Variants in WDR70 observed in about 807,000 individuals in gnomAD.
The protein encoded by WDR70 is WD repeat domain 70.
A neutral mutation model predicts 88.6 loss-of-function variants in WDR70; 53 were observed. That is an observed-to-expected ratio of 0.60 (90% CI 0.48 to 0.75). WDR70 has a LOEUF of 0.75. Ranked by LOEUF, WDR70 falls within the 30% of genes least tolerant of loss-of-function variation. The pLI, the probability that WDR70 is intolerant of heterozygous loss-of-function variation, is 0.00. For missense variants in WDR70, 610 were observed against 823.2 expected (o/e 0.74, Z 3.17); for synonymous variants, 280 against 270.0 (o/e 1.04, Z -0.36).
intron 7 of WDR70, among the ~76,000 whole-genome samples, chr5:37,474,987 C>G (rs1739434721): frequency 2.0e-5 from 3 of 148,806 alleles, no homozygotes; most frequent in Non-Finnish European, 4.5e-5. Flanking sequence ...GGCATGATCT[C>G]AGCTCACCGC....
intron 10 of WDR70, among the ~76,000 whole-genome samples, chr5:37,653,262 A>G (rs1745457869): frequency 6.6e-6 from 1 of 152,172 alleles, no homozygotes; most frequent in Admixed American, 6.5e-5. Flanking sequence ...ACATATGTTG[A>G]ACCAGCCTTG....
At chr5:37,498,396 T>G (rs546921324) in intron 8 of WDR70, among the ~76,000 whole-genome samples, 67 of 152,328 alleles carry the variant, frequency 4.4e-4, no homozygotes, top group Middle Eastern at 3.4e-3. Flanking sequence ...ATTCAACTTC[T>G]AAATATTGGA....
chr5:37,489,635 T>TA (rs1490963883), intron 8 of WDR70, among the ~76,000 whole-genome samples: 1 of 152,060 alleles, frequency 6.6e-6, no homozygotes, highest in African/African-American at 2.4e-5. Flanking sequence ...GGCCTGTTAT[T>TA]ATGCCATCTG....
chr5:37,523,215 T>A (rs1741150548), intron 9 of WDR70, among the ~76,000 whole-genome samples: 1 of 152,200 alleles, frequency 6.6e-6, no homozygotes, highest in Non-Finnish European at 1.5e-5. Flanking sequence ...GTAGCCTAAC[T>A]GGGATGCATC....
At chr5:37,380,732 C>T (rs1011537984) in intron 2 of WDR70, among the ~76,000 whole-genome samples, 9 of 152,118 alleles carry the variant, frequency 5.9e-5, no homozygotes, top group African/African-American at 1.9e-4. Flanking sequence ...ATTGCAGCCT[C>T]CTCCTCCCAG....
In WDR70 at chr5:37,711,987, C is replaced by CTT. The variant is rs70978842; in HGVS notation, c.1416+8919_1416+8920dup. On this transcript the variant is annotated intron_variant, in intron 13 of 17. Transcript: ENST00000265107. ...TGGAATTTCAGTGCATATATTTTTTCTTTTTTTTTTTTTTTTTTTTCTTGA... is the reference window on the plus strand; with the variant it reads ...TGGAATTTCAGTGCATATATTTTTTCTTTTTTTTTTTTTTTTTTTTTTCTTGA... Among the ~76,000 whole-genome samples, 160 of 103,998 alleles carry CTT rather than the reference C, an allele frequency of 1.5e-3. 2 individuals are homozygous for CTT. The Middle Eastern group carries it at 0.024, about 16-fold the overall frequency. 68.2% of individuals were successfully genotyped at this position (103,998 alleles called of 152,430 possible). A position where few individuals can be genotyped will look rare whatever the true frequency, so the allele number is the denominator to read the frequency against.
At chr5:37,509,984 T>C (rs1476182303) in intron 8 of WDR70, among the ~76,000 whole-genome samples, 1 of 151,844 alleles carries the variant, frequency 6.6e-6, no homozygotes, top group Non-Finnish European at 1.5e-5. Context: ...ATCTCTTGAA[T>C]TCAGGAGGTT....
At chr5:37,678,185 A>G (rs1311062215) in intron 10 of WDR70, among the ~76,000 whole-genome samples, 1 of 152,190 alleles carries the variant, frequency 6.6e-6, no homozygotes, top group Admixed American at 6.5e-5. Flanking sequence ...CTCTTTATCC[A>G]ATTTGCCAGT....
At chr5:37,478,631 G>C (rs1192763741) in intron 7 of WDR70, among the ~76,000 whole-genome samples, 2 of 152,218 alleles carry the variant, frequency 1.3e-5, no homozygotes, top group African/African-American at 4.8e-5. Context: ...AGCAACAACT[G>C]TTCCACAGGG....
At chr5:37,630,513 A>G (rs1163079905) in intron 10 of WDR70, among the ~76,000 whole-genome samples, 1 of 152,102 alleles carries the variant, frequency 6.6e-6, no homozygotes, top group African/African-American at 2.4e-5. Flanking sequence ...AGCTGCTTGC[A>G]GACTTGTAGG....
chr5:37,395,341 ATTG>A (rs1371792072), intron 4 of WDR70, among the ~76,000 whole-genome samples: 4 of 151,988 alleles, frequency 2.6e-5, no homozygotes, highest in Admixed American at 6.6e-5. Flanking sequence ...CCTGCGTTAT[ATTG>A]TTGTTGTTTT....
chr5:37,428,827 G>GT (rs1024203749), intron 5 of WDR70, among the ~76,000 whole-genome samples: 75 of 151,592 alleles, frequency 4.9e-4, no homozygotes, highest in African/African-American at 1.8e-3. Context: ...CTAGCAAACT[G>GT]TTTTTTAGAG....
intron 9 of WDR70, among the ~76,000 whole-genome samples, chr5:37,549,190 G>A (rs1297724853): frequency 2.0e-5 from 3 of 152,174 alleles, no homozygotes; most frequent in Non-Finnish European, 4.4e-5. Context: ...TTGGTATTTC[G>A]ATAGGGATTG....
intron 4 of WDR70, among the ~76,000 whole-genome samples, chr5:37,393,284 C>T (rs1748902563): frequency 6.6e-6 from 1 of 152,140 alleles, no homozygotes; most frequent in Non-Finnish European, 1.5e-5. Context: ...TTGTGATCCA[C>T]CCGCCTTGGC....
intron 5 of WDR70, among the ~76,000 whole-genome samples, chr5:37,398,463 TGAAAA>T (rs2111911176): frequency 6.6e-6 from 1 of 152,280 alleles, no homozygotes; most frequent in South Asian, 2.1e-4. Flanking sequence ...TGAAATGAAA[TGAAAA>T]GTAATCAGAA....
At chr5:37,461,097 TCTAA>T in intron 7 of WDR70, among the ~76,000 whole-genome samples, 1 of 121,756 alleles carries the variant, frequency 8.2e-6, no homozygotes, top group East Asian at 2.5e-4. Flanking sequence ...AATAAATATT[TCTAA>T]CCTCAAAAAA....
chr5:37,520,686 G>A (rs1422422101), intron 9 of WDR70, among the ~76,000 whole-genome samples: 2 of 152,112 alleles, frequency 1.3e-5, no homozygotes, highest in Non-Finnish European at 2.9e-5. Context: ...AAAATCATGT[G>A]ATTTTATTAT....
intron 9 of WDR70, among the ~76,000 whole-genome samples, chr5:37,594,215 G>A (rs1209895628): frequency 2.0e-5 from 3 of 152,060 alleles, no homozygotes; most frequent in Admixed American, 6.6e-5. Flanking sequence ...TGAAGTCCTT[G>A]CCCATGCCTA....
chr5:37,712,764 T>C (rs2112680463), intron 13 of WDR70, among the ~76,000 whole-genome samples: 1 of 152,266 alleles, frequency 6.6e-6, no homozygotes, highest in South Asian at 2.1e-4. Context: ...TGCAGTGGTG[T>C]GATCTCAGCT....
Sources: allele counts gnomAD v4.1 joint callset (sites outside exome capture counted in the v4.1 genomes callset), GRCh38; gene constraint gnomAD v4.1.1; transcripts MANE v1.5; gene names NCBI Gene and HGNC (gene_info 2026-07-23, HGNC 2026-07-21).